The following THOC1 variants were observed in gnomAD, a reference collection of about 807,000 sequenced individuals.
THOC1 encodes the protein THO complex subunit 1.
THOC1 carries 29 observed loss-of-function variants against 97.3 expected under a neutral mutation model. That is an observed-to-expected ratio of 0.30 (90% CI 0.22 to 0.41). The LOEUF is 0.41. Ranked by LOEUF, THOC1 falls within the 10% of genes least tolerant of loss-of-function variation. THOC1 has a pLI of 1.00. For missense variants in THOC1, 529 were observed against 761.9 expected, an observed-to-expected ratio of 0.69 and a Z score of 3.60; for synonymous variants, 255 against 257.0, an observed-to-expected ratio of 0.99 and a Z score of 0.07.
chr18:257,626 G>GT (rs1912476670), intron 7 of THOC1, among the ~76,000 whole-genome samples: 1 of 151,912 alleles, frequency 6.6e-6, no homozygotes, highest in Admixed American at 6.6e-5. Flanking sequence ...CTTCTCAAAC[G>GT]TAACAGCCAA....
chr18:215,369 C>CAT, intron 20 of THOC1, 60 bp downstream of exon 20: 2 of 1,301,362 alleles, frequency 1.5e-6, no homozygotes, highest in South Asian at 2.4e-5. Context: ...ATGTACCTAT[C>CAT]AACAAAGAAC....
rs144737224 is a variant in THOC1, at chr18:222,676, AAT to A, written c.1370+762_1370+763del. ...CAAACATCTAATGGCAGAAAGAAAT[AAT>A]AGAGAATGTGAAAGACATTTTCAAG... On this transcript the variant is annotated intron_variant, in intron 17 of 20. Coordinates refer to ENST00000261600, the MANE Select transcript of THOC1 (RefSeq NM_005131.3). Among the ~76,000 whole-genome samples, 3,370 of 151,950 alleles carry A rather than the reference AAT, an allele frequency of 0.022. 438 individuals are homozygous for A. The East Asian group carries it at 0.42, about 19-fold the overall frequency.
At chr18:259,300 T>G in intron 6 of THOC1, 25 bp from the exon 7 acceptor site, 2 of 1,526,730 alleles carry the variant, frequency 1.3e-6, no homozygotes, top group African/African-American at 1.4e-5. Context: ...AAATGAACGT[T>G]ACACAGAAAA....
At chr18:239,620 T>C (rs1347021547) in intron 11 of THOC1, among the ~76,000 whole-genome samples, 1 of 152,212 alleles carries the variant, frequency 6.6e-6, no homozygotes, top group Non-Finnish European at 1.5e-5. Flanking sequence ...CATATGTTTT[T>C]AAACCTATGT....
chr18:221,668 G>A (rs1227813600), intron 17 of THOC1, among the ~76,000 whole-genome samples: 1 of 146,986 alleles, frequency 6.8e-6, no homozygotes, highest in African/African-American at 2.5e-5. Flanking sequence ...GAGTGCAGTG[G>A]TGCGATCTCG....
At position 259,692 on chromosome 18, in the gene THOC1, A is replaced by T. The variant is rs565659354; in HGVS notation, c.414T>A (p.Arg138=). Residue 138 remains arginine, a synonymous_variant, in exon 6 of 21, where the codon CGT becomes CGA. Coordinates refer to ENST00000261600, the MANE Select transcript of THOC1 (RefSeq NM_005131.3). The stretch of plus-strand genomic sequence containing the variant: ...CACTCAATTACTTACCATTGCACAT[A>T]CGTAGTAAGTAATTTTTCCCAGCAG... The part of the protein sequence containing the change: ...FYSAGKNYLL[R]MCNDLLRRLS... The T allele has an allele frequency of 1.5e-5, 23 of 1,550,048 alleles. No individual in the cohort carries two copies. The highest frequency in any genetic ancestry group is 6.1e-5 in the South Asian group (5 of 82,384).
intron 11 of THOC1, among the ~76,000 whole-genome samples, chr18:229,542 C>T (rs1249967338): frequency 6.6e-6 from 1 of 150,840 alleles, no homozygotes; most frequent in Non-Finnish European, 1.5e-5. Flanking sequence ...ATTAGCGGGG[C>T]GTGGTGGTGC....
intron 1 of THOC1, among the ~76,000 whole-genome samples, chr18:266,266 C>A (rs897545113): frequency 6.6e-6 from 1 of 152,198 alleles, no homozygotes; most frequent in Non-Finnish European, 1.5e-5. Flanking sequence ...TAAATGTGTC[C>A]ATTCCTTGCT....
At chr18:249,649 G>T (rs1398172793) in intron 9 of THOC1, among the ~76,000 whole-genome samples, 5 of 146,190 alleles carry the variant, frequency 3.4e-5, no homozygotes, top group African/African-American at 1.3e-4. Context: ...GTGACAGAGC[G>T]AGACTCCGTC....
intron 11 of THOC1, among the ~76,000 whole-genome samples, chr18:237,598 C>T (rs1288672161): frequency 6.6e-6 from 1 of 151,234 alleles, no homozygotes; most frequent in Non-Finnish European, 1.5e-5. Context: ...CATTTTCTCC[C>T]CAGATTAGGA....
At chr18:241,536 T>C (rs957558636) in intron 11 of THOC1, among the ~76,000 whole-genome samples, 2 of 152,230 alleles carry the variant, frequency 1.3e-5, no homozygotes, top group African/African-American at 2.4e-5. Flanking sequence ...AACCTCACCC[T>C]GGTAACTGCT....
At chr18:216,129 A>G (rs1910878173) in intron 19 of THOC1, 1 of 171,564 alleles carries the variant, frequency 5.8e-6, no homozygotes, top group African/African-American at 2.4e-5. Flanking sequence ...AATTTTTTAT[A>G]TTTTAGTAGA....
intron 4 of THOC1, among the ~76,000 whole-genome samples, chr18:263,002 G>C (rs1404396238): frequency 6.6e-6 from 1 of 152,126 alleles, no homozygotes; most frequent in East Asian, 1.9e-4. Context: ...GTCTTCTAAA[G>C]CTATCACACA....
At chr18:263,940 TG>T (rs1912684194) in intron 4 of THOC1, 85 bp downstream of exon 4, 1 of 1,020,898 alleles carries the variant, frequency 9.8e-7, no homozygotes, top group African/African-American at 1.6e-5. Context: ...ATCAGATAGG[TG>T]GAGAAGTATG....
At chr18:243,205 T>G (rs1047429759) in intron 11 of THOC1, among the ~76,000 whole-genome samples, 1 of 152,196 alleles carries the variant, frequency 6.6e-6, no homozygotes, top group Admixed American at 6.5e-5. Context: ...TATTAATTAA[T>G]GAAATTTCAG....
chr18:246,757 A>G (rs1273827662), intron 10 of THOC1, among the ~76,000 whole-genome samples: 1 of 151,882 alleles, frequency 6.6e-6, no homozygotes, highest in Non-Finnish European at 1.5e-5. Context: ...GGGGCGGGTA[A>G]CTTGAGATCA....
At chr18:257,926 G>C (rs1023195749) in intron 7 of THOC1, among the ~76,000 whole-genome samples, 48 of 152,038 alleles carry the variant, frequency 3.2e-4, no homozygotes, top group Non-Finnish European at 8.8e-5. Flanking sequence ...AAAAGAAAAA[G>C]ATAAAGAGGC....
intron 11 of THOC1, among the ~76,000 whole-genome samples, chr18:240,152 T>G (rs1911848133): frequency 6.6e-6 from 1 of 152,224 alleles, no homozygotes; most frequent in African/African-American, 2.4e-5. Flanking sequence ...GGTGACTTCT[T>G]ATTCTATCTC....
intron 4 of THOC1, 165 bp from the exon 5 acceptor site, chr18:260,469 ATACT>A (rs770880959): frequency 2.2e-6 from 1 of 464,848 alleles, no homozygotes; most frequent in Non-Finnish European, 3.8e-6. Flanking sequence ...CAAATAGGAC[ATACT>A]TAAGTAATTT....
Sources: gnomAD v4.1 joint callset for allele counts (sites outside exome capture counted in the v4.1 genomes callset) on GRCh38, gnomAD v4.1.1 for gene constraint, MANE v1.5 for transcripts, NCBI Gene and HGNC (gene_info 2026-07-23, HGNC 2026-07-21) for gene names.